CSF2RA: variants seen among roughly 807,000 people sequenced by gnomAD.
The protein encoded by CSF2RA is colony stimulating factor 2 receptor subunit alpha.
Under a neutral mutation model 51.6 loss-of-function variants are expected in CSF2RA, and 42 were observed. The observed-to-expected ratio is 0.81, with a 90% CI of 0.64 to 1.05. The LOEUF (loss-of-function observed/expected upper bound fraction) is 1.05. Among genes scored for constraint, CSF2RA ranks in the 50% least tolerant of loss-of-function variants. The pLI is 0.00. For missense variants in CSF2RA, 530 were observed against 501.1 expected, an observed-to-expected ratio of 1.06 and a Z score of -0.55; for synonymous variants, 222 against 193.0, an observed-to-expected ratio of 1.15 and a Z score of -1.24.
At chrX:1,314,345 G>A (rs186602669), downstream of CSF2RA, among the ~76,000 whole-genome samples, 6,666 of 27,224 alleles carry the variant, frequency 0.24, 50 homozygotes, top group East Asian at 0.36. Context: ...ACCCCACTGC[G>A]CCTGCCCAAC....
At position 1,290,337 on chromosome X, in the gene CSF2RA, G is replaced by A. The variant is rs372402719; in HGVS notation, c.474G>A (p.Lys158=). 6.2e-7 allele frequency: 1 copy of A among 1,612,708 alleles called. No individual in the cohort carries two copies. The highest frequency in any genetic ancestry group is 1.3e-5 in the African/African-American group (1 of 74,860). The part of the protein sequence containing the change: ...VQYFLYIRNS[K]RRREIRCPYY... Reference sequence around the variant, plus strand: ...CTCTGAGCACTTTCTAATCTTTCAGGAGAAGGAGGGAGATCCGGTGTCCTT... The same window carrying A: ...CTCTGAGCACTTTCTAATCTTTCAGAAGAAGGAGGGAGATCCGGTGTCCTT... Residue 158 remains lysine, a splice_region_variant and synonymous_variant, in exon 7 of 13, where the codon AAG becomes AAA. Coordinates refer to ENST00000381529, the MANE Select transcript of CSF2RA (RefSeq NM_172245.4).
chrX:1,281,904 A>G (rs1255536070), intron 2 of CSF2RA: 3 of 148,426 alleles, frequency 2.0e-5, no homozygotes, highest in Non-Finnish European at 4.4e-5. Context: ...TAAAAAATAT[A>G]AAAGAGCAGG....
downstream of CSF2RA, among the ~76,000 whole-genome samples, chrX:1,314,988 T>C (rs1427446612): frequency 1.7e-5 from 2 of 115,356 alleles, 1 homozygote; most frequent in Admixed American, 1.6e-4. Flanking sequence ...CCAATCGCAC[T>C]GCACCTGCCC....
chrX:1,303,781 C>T (rs2083259723), intron 10 of CSF2RA, 142 bp from the exon 11 acceptor site: 2 of 802,694 alleles, frequency 2.5e-6, no homozygotes, highest in Non-Finnish European at 4.5e-6. Context: ...GAACCAAAAA[C>T]AGGGAGGCAG....
downstream of CSF2RA, among the ~76,000 whole-genome samples, chrX:1,310,623 A>T (rs766023966): frequency 2.0e-5 from 3 of 150,354 alleles, no homozygotes; most frequent in East Asian, 5.9e-4. Context: ...AACCGAGATC[A>T]CAACACCGCA....
At chrX:1,314,843 G>A (rs1213466821), downstream of CSF2RA, among the ~76,000 whole-genome samples, 1 of 99,872 alleles carries the variant, frequency 1.0e-5, no homozygotes, top group African/African-American at 3.7e-5. Context: ...CACTGCACCT[G>A]CCCAATCCCA....
chrX:1,323,493 TCA>T, the CSF2RA span, among the ~76,000 whole-genome samples: 1,068 of 152,186 alleles, frequency 7.0e-3, 18 homozygotes, highest in African/African-American at 0.024. Flanking sequence ...GACCGGATTC[TCA>T]CATCTGGGTG....
chrX:1,316,070 A>AGATAGATAGATC, the CSF2RA span, among the ~76,000 whole-genome samples: 1 of 152,018 alleles, frequency 6.6e-6, no homozygotes, highest in Admixed American at 6.6e-5. Context: ...ATAGATAGAT[A>AGATAGATAGATC]GATAGATAGA....
At chrX:1,315,070 C>G (rs769710820), downstream of CSF2RA, among the ~76,000 whole-genome samples, 1 of 151,896 alleles carries the variant, frequency 6.6e-6, no homozygotes, top group South Asian at 2.1e-4. Context: ...CTTTGCATGC[C>G]TAAACTGGAG....
the CSF2RA span, among the ~76,000 whole-genome samples, chrX:1,318,916 C>A: frequency 1.8e-4 from 25 of 137,354 alleles, no homozygotes; most frequent in East Asian, 2.2e-4. Flanking sequence ...GACTCCATCT[C>A]AAAAAAAAAA....
At chrX:1,300,254 A>G in intron 9 of CSF2RA, 1 of 512,850 alleles carries the variant, frequency 1.9e-6, no homozygotes. Context: ...AAAAAAGCTT[A>G]AAGCCTACAT....
chrX:1,304,591 G>A (rs1429931543), intron 11 of CSF2RA, among the ~76,000 whole-genome samples: 2 of 151,702 alleles, frequency 1.3e-5, no homozygotes, highest in Non-Finnish European at 2.9e-5. Context: ...GAGGGGAAAC[G>A]CCTGCCTTGA....
At chrX:1,292,392 T>TGAGCCCAGG (rs1447414230) in intron 7 of CSF2RA, among the ~76,000 whole-genome samples, 1 of 152,116 alleles carries the variant, frequency 6.6e-6, no homozygotes, top group East Asian at 1.9e-4. Flanking sequence ...GAAAGAACAG[T>TGAGCCCAGG]GAGCCCAGGG....
At position 1,309,619 on chromosome X, in the gene CSF2RA, G is replaced by A. The variant is rs201486881; in HGVS notation, c.*140G>A. 4.3e-5 allele frequency: 69 copies of A among 1,602,294 alleles called. No homozygotes were observed. The highest frequency in any genetic ancestry group is 6.7e-5 in the East Asian group (3 of 44,794). ...ATGACATTTGGGGCCAGGCGCGGTGGCTCACGCCTGTAATCCCAGCACTTT... is the reference window on the plus strand; with the variant it reads ...ATGACATTTGGGGCCAGGCGCGGTGACTCACGCCTGTAATCCCAGCACTTT... On this transcript the variant is annotated 3_prime_UTR_variant, in exon 13 of 13. Transcript: ENST00000381529.
intron 10 of CSF2RA, 152 bp from the exon 11 acceptor site, chrX:1,303,771 G>A (rs762448147): frequency 2.6e-6 from 2 of 777,064 alleles, no homozygotes; most frequent in South Asian, 1.4e-5. Context: ...TCTTAGTTAA[G>A]AACCAAAAAC....
At chrX:1,316,733 T>C in the CSF2RA span, among the ~76,000 whole-genome samples, 1 of 152,126 alleles carries the variant, frequency 6.6e-6, no homozygotes. Context: ...ACCTCCTACA[T>C]CCGTGCCTGC....
intron 4 of CSF2RA, among the ~76,000 whole-genome samples, chrX:1,286,169 G>T (rs1301263320): frequency 2.6e-5 from 4 of 152,058 alleles, no homozygotes; most frequent in Non-Finnish European, 5.9e-5. Flanking sequence ...CTACTCAGGA[G>T]GCTGAGGGCA....
At chrX:1,300,826 T>C (rs1374310445) in intron 10 of CSF2RA, among the ~76,000 whole-genome samples, 200 bp downstream of exon 10, 1 of 152,092 alleles carries the variant, frequency 6.6e-6, no homozygotes, top group Non-Finnish European at 1.5e-5. Context: ...GCTTTGCTGA[T>C]GTTTTTTCAG....
chrX:1,317,588 G>T, the CSF2RA span, among the ~76,000 whole-genome samples: 1 of 140,068 alleles, frequency 7.1e-6, no homozygotes, highest in Admixed American at 7.4e-5. Flanking sequence ...TTTTTTTTGA[G>T]ACGGAGTCTT....
Sources: allele counts gnomAD v4.1 joint callset (sites outside exome capture counted in the v4.1 genomes callset), GRCh38; gene constraint gnomAD v4.1.1; transcripts MANE v1.5; gene names NCBI Gene and HGNC (gene_info 2026-07-23, HGNC 2026-07-21).